MARCHF3: variants seen among roughly 807,000 people sequenced by gnomAD.
MARCHF3 encodes the protein E3 ubiquitin-protein ligase MARCHF3.
A neutral mutation model predicts 24.2 loss-of-function variants in MARCHF3; 13 were observed. The observed-to-expected ratio is 0.54, with a 90% CI of 0.35 to 0.85. The LOEUF (loss-of-function observed/expected upper bound fraction) is 0.85. Ranked by LOEUF, MARCHF3 falls within the 40% of genes least tolerant of loss-of-function variation. MARCHF3 has a pLI of 0.01. For missense variants in MARCHF3, 276 were observed against 325.0 expected (o/e 0.85, Z 1.16); for synonymous variants, 144 against 137.3 (o/e 1.05, Z -0.34).
At chr5:126,942,172 T>C (rs1226967482) in intron 1 of MARCHF3, among the ~76,000 whole-genome samples, 2 of 152,222 alleles carry the variant, frequency 1.3e-5, no homozygotes, top group Non-Finnish European at 2.9e-5. Flanking sequence ...AGCTCCACTA[T>C]GGCCATCATA....
chr5:127,029,006 G>A (rs1753088573), intron 1 of MARCHF3, among the ~76,000 whole-genome samples: 1 of 152,184 alleles, frequency 6.6e-6, no homozygotes. Flanking sequence ...ACAGGAACGC[G>A]GATTCTGCAC....
intron 1 of MARCHF3, among the ~76,000 whole-genome samples, chr5:127,009,698 C>T (rs116823883): frequency 0.016 from 2,499 of 152,252 alleles, 65 homozygotes; most frequent in African/African-American, 0.057. Flanking sequence ...AACCAGCCAA[C>T]ACTCTGCCCC....
chr5:127,029,458 T>C lies in MARCHF3; in HGVS notation c.-57+892A>G, dbSNP rs151097023. Among the ~76,000 whole-genome samples the C allele has an allele frequency of 9.4e-4, 143 of 152,298 alleles. 1 individual carries two copies. The highest frequency in any genetic ancestry group is 3.2e-3 in the African/African-American group (134 of 41,558). ...GCACATAATATAAACTACATGCATG[T>C]AGTTGGTCTCAGAAAAACAAGCTGC... On this transcript the variant is annotated intron_variant, in intron 1 of 4. Transcript: ENST00000308660.
intron 1 of MARCHF3, among the ~76,000 whole-genome samples, chr5:126,929,144 A>C (rs567157826): frequency 4.0e-4 from 61 of 152,362 alleles, no homozygotes; most frequent in African/African-American, 1.5e-3. Flanking sequence ...TGTCTGTTGA[A>C]GAAATTCACG....
intron 1 of MARCHF3, among the ~76,000 whole-genome samples, chr5:126,977,432 A>G: frequency 6.6e-6 from 1 of 152,056 alleles, no homozygotes; most frequent in East Asian, 1.9e-4. Flanking sequence ...CAACCCATCT[A>G]CCTCTAATGT....
chr5:127,021,847 A>G (rs1254021380), intron 1 of MARCHF3, among the ~76,000 whole-genome samples: 1 of 152,228 alleles, frequency 6.6e-6, no homozygotes, highest in African/African-American at 2.4e-5. Context: ...GACATTAGCT[A>G]TAAAAGTAAT....
chr5:126,981,343 G>A (rs1216314531), intron 1 of MARCHF3, among the ~76,000 whole-genome samples: 1 of 152,154 alleles, frequency 6.6e-6, no homozygotes, highest in Non-Finnish European at 1.5e-5. Context: ...CATCCATTCA[G>A]GGATCAACTA....
intron 2 of MARCHF3, 59 bp from the exon 3 acceptor site, chr5:126,915,193 T>C: frequency 6.5e-7 from 1 of 1,548,894 alleles, no homozygotes; most frequent in Non-Finnish European, 8.8e-7. Context: ...ACCAAGTGGA[T>C]GGCCCTCTAG....
intron 2 of MARCHF3, among the ~76,000 whole-genome samples, chr5:126,915,971 C>T (rs1282884580): frequency 6.6e-6 from 1 of 152,106 alleles, no homozygotes; most frequent in East Asian, 1.9e-4. Flanking sequence ...AAAATGGGCA[C>T]AAAAATGGTG....
chr5:126,963,970 T>C (rs1055806128), intron 1 of MARCHF3, among the ~76,000 whole-genome samples: 10 of 152,184 alleles, frequency 6.6e-5, no homozygotes, highest in Admixed American at 6.5e-4. Context: ...ATACATTCAC[T>C]AGTTCTGGTT....
chr5:126,977,641 A>G (rs1751246737), intron 1 of MARCHF3, among the ~76,000 whole-genome samples: 1 of 152,244 alleles, frequency 6.6e-6, no homozygotes, highest in Non-Finnish European at 1.5e-5. Flanking sequence ...AGAAATATCA[A>G]TTCCAGAAAT....
At position 126,914,913 on chromosome 5, in the gene MARCHF3, G is replaced by A. The variant is rs367939428; in HGVS notation, c.393+17C>T. 1.5e-5 allele frequency: 25 copies of A among 1,613,386 alleles called. No individual in the cohort carries two copies. The highest frequency in any genetic ancestry group is 9.4e-5 in the African/African-American group (7 of 74,824). On this transcript the variant is annotated intron_variant, in intron 3 of 4. Coordinates refer to ENST00000308660, the MANE Select transcript of MARCHF3 (RefSeq NM_178450.5). ...CTCATTAGAGCTAAGTTTTCAGGAC[G>A]TGCCCCACTTACTGACCTCCACTAA...
chr5:127,009,672 A>C (rs1752419507), intron 1 of MARCHF3, among the ~76,000 whole-genome samples: 1 of 152,168 alleles, frequency 6.6e-6, no homozygotes, highest in Non-Finnish European at 1.5e-5. Flanking sequence ...TAGATTCTCC[A>C]CATTCTACCA....
At chr5:126,933,419 T>A (rs897448308) in intron 1 of MARCHF3, among the ~76,000 whole-genome samples, 2 of 152,034 alleles carry the variant, frequency 1.3e-5, no homozygotes, top group Non-Finnish European at 2.9e-5. Context: ...TTTTCCGCTG[T>A]ATGCCTGTCA....
chr5:126,987,185 T>G (rs376969868), intron 1 of MARCHF3, among the ~76,000 whole-genome samples: 188 of 152,288 alleles, frequency 1.2e-3, no homozygotes, highest in Non-Finnish European at 7.4e-4. Context: ...GATTGTAACA[T>G]AGAAAATGAG....
At chr5:126,923,834 C>T (rs1034520221) in intron 1 of MARCHF3, among the ~76,000 whole-genome samples, 3 of 152,116 alleles carry the variant, frequency 2.0e-5, no homozygotes, top group Non-Finnish European at 4.4e-5. Flanking sequence ...AGGTAGGCTC[C>T]GCAGGTCTCA....
intron 1 of MARCHF3, among the ~76,000 whole-genome samples, chr5:127,023,552 G>A (rs551784972): frequency 2.8e-4 from 43 of 151,956 alleles, no homozygotes; most frequent in East Asian, 2.5e-3. Context: ...CCAACATGGC[G>A]AAACCCGATT....
rs1482679843 is a variant in MARCHF3, at chr5:126,937,037, C to A, written c.-56-18810G>T. The stretch of plus-strand genomic sequence containing the variant: ...CATTTGCTTTCCCTCAGCTTTGGGT[C>A]TCTCAACAGTAATATATAAAAACTA... On this transcript the variant is annotated intron_variant, in intron 1 of 4. Transcript: ENST00000308660. 3.3e-5 allele frequency among the ~76,000 whole-genome samples: 5 copies of A among 152,342 alleles called. No individual in the cohort carries two copies. The East Asian group carries it at 9.6e-4, about 29-fold the overall frequency.
intron 3 of MARCHF3, chr5:126,898,760 G>C (rs755013525): frequency 1.4e-5 from 9 of 654,710 alleles, no homozygotes; most frequent in Non-Finnish European, 1.7e-5. Flanking sequence ...AGTTATATTA[G>C]CCATTTTCCC....
Sources: allele counts gnomAD v4.1 joint callset (sites outside exome capture counted in the v4.1 genomes callset), GRCh38; gene constraint gnomAD v4.1.1; transcripts MANE v1.5; gene names NCBI Gene and HGNC (gene_info 2026-07-23, HGNC 2026-07-21).